Variants in CENPF observed in about 807,000 individuals in gnomAD.
CENPF encodes the protein centromere protein F.
A neutral mutation model predicts 307.3 loss-of-function variants in CENPF; 214 were observed. The observed-to-expected ratio is 0.70, with a 90% CI of 0.62 to 0.78. The LOEUF is 0.78. CENPF is among the 30% of genes least tolerant of loss of function. CENPF has a pLI of 0.00. For synonymous variants in CENPF, 1,259 were observed against 1,270.6 expected, an observed-to-expected ratio of 0.99 and a Z score of 0.19; for missense variants, 3,401 against 3,483.9, an observed-to-expected ratio of 0.98 and a Z score of 0.60.
At chr1:214,657,967 C>A (rs1432437745) in intron 18 of CENPF, among the ~76,000 whole-genome samples, 1 of 152,110 alleles carries the variant, frequency 6.6e-6, no homozygotes, top group African/African-American at 2.4e-5. Flanking sequence ...ATTTTTGTAA[C>A]ATCCAAGCAC....
At chr1:214,623,591 C>T (rs1397765533) in intron 7 of CENPF, among the ~76,000 whole-genome samples, 1 of 152,124 alleles carries the variant, frequency 6.6e-6, no homozygotes, top group East Asian at 1.9e-4. Context: ...TCCCAGCCTA[C>T]CTCTCTAGCC....
At chr1:214,656,427 C>T (rs554225261) in intron 17 of CENPF, among the ~76,000 whole-genome samples, 2 of 152,218 alleles carry the variant, frequency 1.3e-5, no homozygotes, top group African/African-American at 2.4e-5. Context: ...ATAGTGTTCC[C>T]CCAAACCCTT....
At chr1:214,621,500 G>A (rs149575516) in intron 6 of CENPF, among the ~76,000 whole-genome samples, 26 of 152,316 alleles carry the variant, frequency 1.7e-4, no homozygotes, top group African/African-American at 6.3e-4. Flanking sequence ...GAAAATCACT[G>A]TCAGTGTTCA....
chr1:214,625,315 A>G (rs1657623283), intron 7 of CENPF, among the ~76,000 whole-genome samples: 1 of 152,018 alleles, frequency 6.6e-6, no homozygotes, highest in African/African-American at 2.4e-5. Flanking sequence ...CCCAGGTTCA[A>G]GTGATTCTCC....
chr1:214,645,069 G>A lies in CENPF; in HGVS notation c.5499G>A (p.Gly1833=), dbSNP rs745608657. Residue 1833 remains glycine, a synonymous_variant, in exon 13 of 20, where the codon GGG becomes GGA. Coordinates refer to ENST00000366955, the MANE Select transcript of CENPF (RefSeq NM_016343.4). ...GCATAGAATTGGAAAAAATAGTTGG[G>A]GAACTTAAGAAAGAAAACTCAGATT... ...EACIELEKIV[G]ELKKENSDLS... is the part of the protein sequence containing the mutation. 6.2e-7 allele frequency: 1 copy of A among 1,613,546 alleles called. No individual in the cohort carries two copies. The highest frequency in any genetic ancestry group is 1.1e-5 in the South Asian group (1 of 90,932).
At position 214,605,822 on chromosome 1, in the gene CENPF, T is replaced by A. The variant is rs1469586047; in HGVS notation, c.-42+2501T>A. On this transcript the variant is annotated intron_variant, in intron 1 of 19. Transcript: ENST00000366955. ...GCAGCGCTCGTAGAGCGCCAGCCCGTGCGAGAAGTCGATCACCTCGTCCTC... is the reference window on the plus strand; with the variant it reads ...GCAGCGCTCGTAGAGCGCCAGCCCGAGCGAGAAGTCGATCACCTCGTCCTC... 4 of 1,593,460 alleles carry A rather than the reference T, an allele frequency of 2.5e-6. No homozygotes were observed. In the African/African-American group the frequency reaches 5.3e-5, roughly 21 times the overall value.
chr1:214,655,622 G>A (rs1658610734), intron 17 of CENPF, among the ~76,000 whole-genome samples: 1 of 152,118 alleles, frequency 6.6e-6, no homozygotes, highest in South Asian at 2.1e-4. Flanking sequence ...TTTTGAGACA[G>A]GATCTTGCTG....
Position 214,641,349 on chromosome 1 carries a change from T to A in CENPF, c.3011T>A (p.Ile1004Lys). 1 of 1,611,070 alleles carries A rather than the reference T, an allele frequency of 6.2e-7. No individual in the cohort carries two copies. The highest frequency in any genetic ancestry group is 1.7e-5 in the Admixed American group (1 of 59,440). ...AAAAGTGAGAGTTTTGCAAACTATA[T>A]AGATGAAAGGGAGAAAAGCATTTCA... ...IQKSESFANY[I>K]DEREKSISEL... is the part of the protein sequence containing the mutation. Residue 1004 changes from isoleucine (I) to lysine (K), a missense_variant, in exon 12 of 20, where the codon ATA (isoleucine) becomes AAA (lysine). By Grantham distance (102) the Ile-to-Lys change is moderately radical (BLOSUM62 -3). Transcript: ENST00000366955.
Position 214,657,286 on chromosome 1 carries a change from C to T in CENPF, c.8839C>T (p.Pro2947Ser). The change falls in exon 18 of 20, where the codon CCT (proline) becomes TCT (serine). Residue 2947 changes from proline to serine, a missense_variant. Physicochemically the swap from Pro to Ser is moderately conservative, Grantham distance 74. Coordinates refer to ENST00000366955, the MANE Select transcript of CENPF (RefSeq NM_016343.4). ...GIWENGRGPT[P>S]ATPESFSKKS... ...ATGGGAGAATGGTAGAGGACCAACA[C>T]CTGCTACCCCAGAGAGCTTTTCTAA... 1 of 1,614,052 alleles carries T rather than the reference C, an allele frequency of 6.2e-7. No homozygotes were observed. Among genetic ancestry groups the T allele is most frequent in the East Asian group, 2.2e-5 (1 of 44,866 alleles).
chr1:214,608,224 C>A, intron 1 of CENPF: 2 of 1,348,696 alleles, frequency 1.5e-6, no homozygotes, highest in Non-Finnish European at 2.0e-6. Flanking sequence ...GAGCCGCCCA[C>A]CTTCCTCCCA....
rs202111915 is a variant in CENPF at position 214,663,666 on chromosome 1, A to G, written c.9217A>G (p.Asn3073Asp). 1.5e-5 allele frequency: 25 copies of G among 1,614,086 alleles called. No homozygotes were observed. The East Asian group carries it at 5.3e-4, about 35-fold the overall frequency. ...REPTTKSVPV[N>D]NLPERSPTDS... ...ACCCACCACGAAATCCGTCCCAGTCAATAATCTTCCTGAGAGAAGTCCGAC... is the reference window on the plus strand; with the variant it reads ...ACCCACCACGAAATCCGTCCCAGTCGATAATCTTCCTGAGAGAAGTCCGAC... The change falls in exon 20 of 20, where the codon AAT becomes GAT. Residue 3073 changes from asparagine to aspartate, a missense_variant. By Grantham distance (23) the Asn-to-Asp change is conservative. Transcript: ENST00000366955.
At chr1:214,623,354 G>T (rs1657568386) in intron 7 of CENPF, among the ~76,000 whole-genome samples, 1 of 152,136 alleles carries the variant, frequency 6.6e-6, no homozygotes, top group Non-Finnish European at 1.5e-5. Context: ...GATTTAAAGT[G>T]TGTGGGAGGA....
At chr1:214,648,032 C>A in intron 13 of CENPF, 1 of 464,500 alleles carries the variant, frequency 2.2e-6, no homozygotes, top group Non-Finnish European at 4.3e-6. Context: ...AAGTTTTGGC[C>A]CAGTGAGCTT....
At position 214,659,001 on chromosome 1, in the gene CENPF, A is replaced by G. The variant is rs766475024; in HGVS notation, c.9114A>G (p.Pro3038=). 2 of 1,614,068 alleles carry G rather than the reference A, an allele frequency of 1.2e-6. No individual in the cohort carries two copies. The highest frequency in any genetic ancestry group is 2.2e-5 in the South Asian group (2 of 91,078). Residue 3038 remains proline, a synonymous_variant, in exon 19 of 20, where the codon CCA becomes CCG. Transcript: ENST00000366955. This position sits in a 1 kb window ranked among gnomAD's most constrained non-coding sequence, Gnocchi z 4.4. ...AAAATCTTGCAGAGTCCTCCAAACC[A>G]ACAGCTGGTGGCAGCAGATCACAAA... ...GKENLAESSK[P]TAGGSRSQKV...
chr1:214,635,797 A>G (rs1441200163), intron 10 of CENPF, among the ~76,000 whole-genome samples: 1 of 152,208 alleles, frequency 6.6e-6, no homozygotes, highest in Admixed American at 6.5e-5. Context: ...ATTCATTTAA[A>G]TGTCTCCAGT....
Position 214,629,159 on chromosome 1 carries a change from G to T in CENPF, c.1182G>T (p.Lys394Asn), listed in dbSNP as rs1408944854. Reference protein sequence around the residue: ...SLEQKIKEKEKEFQEELSRQQ... With the variant: ...SLEQKIKEKENEFQEELSRQQ... ...AACAGAAAATTAAGGAAAAAGAAAAGGAGTTTCAAGAGGTAAGGTAAATGG... is the reference window on the plus strand; with the variant it reads ...AACAGAAAATTAAGGAAAAAGAAAATGAGTTTCAAGAGGTAAGGTAAATGG... The change falls in exon 8 of 20, where the codon AAG (lysine) becomes AAT (asparagine). Residue 394 changes from lysine to asparagine, a missense_variant. Transcript: ENST00000366955. 6.2e-7 allele frequency: 1 copy of T among 1,607,296 alleles called. No homozygotes were observed. Among genetic ancestry groups the T allele is most frequent in the Non-Finnish European group, 8.5e-7 (1 of 1,178,150 alleles).
At chr1:214,630,420 C>T (rs1254969795) in intron 8 of CENPF, 114 bp from the exon 9 acceptor site, 5 of 1,293,388 alleles carry the variant, frequency 3.9e-6, no homozygotes, top group Non-Finnish European at 3.2e-6. Flanking sequence ...TGGCTCAGCT[C>T]CCTGCTGTCT....
Position 214,641,443 on chromosome 1 carries a change from A to G in CENPF, c.3105A>G (p.Ala1035=), listed in dbSNP as rs767503973. 23 of 1,555,782 alleles carry G rather than the reference A, an allele frequency of 1.5e-5. No individual in the cohort carries two copies. Among genetic ancestry groups the G allele is most frequent in the South Asian group, 1.4e-4 (11 of 80,306 alleles). ...AAAGATGTGAAGAAACCGGAAATGC[A>G]TATGAGGATCTTAGTCAAAAATACA... is the stretch of plus-strand genomic sequence containing the variant. ...LLQRCEETGN[A]YEDLSQKYKA... is the part of the protein sequence containing the mutation. Residue 1035 remains alanine (A), a synonymous_variant, in exon 12 of 20, where the codon GCA becomes GCG. Transcript: ENST00000366955.
chr1:214,646,384 G>A lies in CENPF; in HGVS notation c.6814G>A (p.Val2272Ile). 6.2e-7 allele frequency: 1 copy of A among 1,614,162 alleles called. No individual in the cohort carries two copies. Among genetic ancestry groups the A allele is most frequent in the African/African-American group, 1.3e-5 (1 of 75,054 alleles). ...QNQLKELNEA[V>I]AALCGDQEIM... ...TCAGTTAAAGGAGCTAAATGAGGCA[G>A]TAGCAGCCTTGTGTGGTGACCAAGA... is the stretch of plus-strand genomic sequence containing the variant. Residue 2272 changes from valine to isoleucine, a missense_variant, in exon 13 of 20, where the codon GTA becomes ATA. Transcript: ENST00000366955.
Sources: allele counts gnomAD v4.1 joint callset (sites outside exome capture counted in the v4.1 genomes callset), GRCh38; gene constraint gnomAD v4.1.1; non-coding constraint Gnocchi (gnomAD v3.1); transcripts MANE v1.5; gene names NCBI Gene and HGNC (gene_info 2026-07-23, HGNC 2026-07-21).